ZDHHC20: variants seen among roughly 807,000 people sequenced by gnomAD.
ZDHHC20 encodes the protein zDHHC palmitoyltransferase 20, also known as palmitoyltransferase ZDHHC20.
ZDHHC20 carries 43 observed loss-of-function variants against 57.8 expected under a neutral mutation model. The ratio of observed to expected loss-of-function variants is 0.74; its 90% confidence interval spans 0.58 to 0.96. ZDHHC20 has a LOEUF of 0.96. Ranked by LOEUF, ZDHHC20 falls within the 40% of genes least tolerant of loss-of-function variation. The pLI, the probability that ZDHHC20 is intolerant of heterozygous loss-of-function variation, is 0.00. For synonymous variants in ZDHHC20, 157 were observed against 153.0 expected (o/e 1.03, Z -0.19); for missense variants, 391 against 441.1 (o/e 0.89, Z 1.02).
At chr13:21,443,335 T>A (rs1205214964) in intron 1 of ZDHHC20, among the ~76,000 whole-genome samples, 1 of 152,196 alleles carries the variant, frequency 6.6e-6, no homozygotes, top group Non-Finnish European at 1.5e-5. Flanking sequence ...AGACCTGTTT[T>A]CAGTATTTCC....
chr13:21,421,736 T>A (rs1383439535), intron 2 of ZDHHC20, among the ~76,000 whole-genome samples: 1 of 152,200 alleles, frequency 6.6e-6, no homozygotes, highest in African/African-American at 2.4e-5. Flanking sequence ...AATGTTAACA[T>A]TCCAAAATAT....
At position 21,380,747 on chromosome 13, in the gene ZDHHC20, G is replaced by A. The variant is rs1366701080; in HGVS notation, c.1060+687C>T. On this transcript the variant is annotated intron_variant, in intron 11 of 12. Transcript: ENST00000400590. ...GCGGAGGTTGCAGTAAGCAGAGATCGTGCCACTGCACTCTAGCCTGGTGAC... is the reference window on the plus strand; with the variant it reads ...GCGGAGGTTGCAGTAAGCAGAGATCATGCCACTGCACTCTAGCCTGGTGAC... Among the ~76,000 whole-genome samples, 10 of 150,778 alleles carry A rather than the reference G, an allele frequency of 6.6e-5. No homozygotes were observed. In the East Asian group the frequency reaches 8.3e-4, roughly 12 times the overall value.
rs1178998770 is a variant in ZDHHC20, at chr13:21,458,930, T to TCGGGGCCGGACGCCCGGCGTC, written c.118+103_118+123dup. The TCGGGGCCGGACGCCCGGCGTC allele has an allele frequency of 6.0e-6, 4 of 665,468 alleles. No individual in the cohort carries two copies. In the African/African-American group the frequency reaches 7.7e-5, roughly 13 times the overall value. The allele number at this position is 665,468 out of a possible 1,614,324, so 41.2% of individuals were successfully genotyped here. ...GCAACCTCGGCGCTTCCGAGCGCGT[T>TCGGGGCCGGACGCCCGGCGTC]CGGGGCCGGACGCCCGGCGTCCGGC... On this transcript the variant is annotated intron_variant, in intron 1 of 12. Coordinates refer to ENST00000400590, the MANE Select transcript of ZDHHC20 (RefSeq NM_001330059.2).
At chr13:21,412,200 C>G (rs1423123153) in intron 4 of ZDHHC20, among the ~76,000 whole-genome samples, 1 of 152,228 alleles carries the variant, frequency 6.6e-6, no homozygotes, top group African/African-American at 2.4e-5. Context: ...AAATCTACCC[C>G]TGGGCCTGGC....
At position 21,459,070 on chromosome 13, in the gene ZDHHC20, C is replaced by A. The variant is rs772905215; in HGVS notation, c.102G>T (p.Val34=). Reference sequence around the variant, plus strand: ...GGTACTCACACACGCAGAGCTCCACCACGTACGCGTAGTAGGACCAGACGA... The same window carrying A: ...GGTACTCACACACGCAGAGCTCCACAACGTACGCGTAGTAGGACCAGACGA... ...FVVVWSYYAY[V]VELCVFTIFG... is the part of the protein sequence containing the mutation. Residue 34 remains valine, a synonymous_variant, in exon 1 of 13, where the codon GTG becomes GTT. Transcript: ENST00000400590. 4.4e-6 allele frequency: 7 copies of A among 1,604,290 alleles called. No homozygotes were observed. In the South Asian group the frequency reaches 6.7e-5, roughly 15 times the overall value.
intron 1 of ZDHHC20, among the ~76,000 whole-genome samples, chr13:21,450,323 A>G (rs539752598): frequency 6.6e-6 from 1 of 152,214 alleles, no homozygotes; most frequent in Admixed American, 6.5e-5. Context: ...TGACTAGGGC[A>G]TAAGGTTCTT....
Position 21,452,216 on chromosome 13 carries a change from T to C in ZDHHC20, c.118+6838A>G, listed in dbSNP as rs142799593. On this transcript the variant is annotated intron_variant, in intron 1 of 12. Transcript: ENST00000400590. Reference sequence around the variant, plus strand: ...GCTGGGGGTGGGAAGAAGGATTAACTGTAAATGGGCATGAGGGATCTTAAT... The same window carrying C: ...GCTGGGGGTGGGAAGAAGGATTAACCGTAAATGGGCATGAGGGATCTTAAT... Among the ~76,000 whole-genome samples, 35 of 140,642 alleles carry C rather than the reference T, an allele frequency of 2.5e-4. No homozygotes were observed. In the East Asian group the frequency reaches 6.7e-3, roughly 27 times the overall value. 92.3% of individuals were successfully genotyped at this position (140,642 alleles called of 152,430 possible).
At chr13:21,444,969 T>C (rs939845823) in intron 1 of ZDHHC20, among the ~76,000 whole-genome samples, 6 of 152,056 alleles carry the variant, frequency 3.9e-5, no homozygotes, top group African/African-American at 1.2e-4. Flanking sequence ...GGTGGAAGGA[T>C]TGCTTGAGTC....
At chr13:21,409,746 G>T (rs1014011548) in intron 4 of ZDHHC20, among the ~76,000 whole-genome samples, 2 of 151,970 alleles carry the variant, frequency 1.3e-5, no homozygotes, top group African/African-American at 4.8e-5. Context: ...TCAAGTCAAA[G>T]GTTCTTCTCT....
intron 1 of ZDHHC20, among the ~76,000 whole-genome samples, chr13:21,444,769 T>C (rs1170302738): frequency 6.6e-6 from 1 of 152,096 alleles, no homozygotes; most frequent in Non-Finnish European, 1.5e-5. Context: ...TGTATAAAAA[T>C]ATAGGGCTGG....
chr13:21,380,419 G>A (rs1278108248), intron 11 of ZDHHC20, among the ~76,000 whole-genome samples: 1 of 151,988 alleles, frequency 6.6e-6, no homozygotes, highest in Non-Finnish European at 1.5e-5. Flanking sequence ...TGGCCAGTGT[G>A]CTCTTTTTTA....
intron 2 of ZDHHC20, among the ~76,000 whole-genome samples, chr13:21,423,242 C>A (rs1258809667): frequency 6.6e-6 from 1 of 152,166 alleles, no homozygotes; most frequent in Non-Finnish European, 1.5e-5. Flanking sequence ...CCCTAACTTC[C>A]TTCTATTTTC....
chr13:21,458,004 T>C (rs1022973591), intron 1 of ZDHHC20, among the ~76,000 whole-genome samples: 3 of 152,220 alleles, frequency 2.0e-5, no homozygotes, highest in Admixed American at 1.3e-4. Flanking sequence ...AAAATTGATA[T>C]AGGCAGCAGA....
At chr13:21,426,607 CTT>C (rs778269073) in intron 1 of ZDHHC20, among the ~76,000 whole-genome samples, 30 of 135,282 alleles carry the variant, frequency 2.2e-4, no homozygotes, top group Admixed American at 4.6e-4. Flanking sequence ...TTCTCCTTTT[CTT>C]TTTTTTTTTT....
chr13:21,398,847 T>C (rs1001336076), intron 7 of ZDHHC20, among the ~76,000 whole-genome samples: 2 of 152,214 alleles, frequency 1.3e-5, no homozygotes, highest in Non-Finnish European at 2.9e-5. Flanking sequence ...TCAGCCCATG[T>C]GAGCGCTAGG....
chr13:21,401,452 T>C (rs1472939336), intron 6 of ZDHHC20, among the ~76,000 whole-genome samples: 1 of 152,192 alleles, frequency 6.6e-6, no homozygotes, highest in African/African-American at 2.4e-5. Context: ...TCTTAATACA[T>C]TGTTATTTGG....
At chr13:21,447,201 C>A (rs1294264956) in intron 1 of ZDHHC20, among the ~76,000 whole-genome samples, 1 of 147,678 alleles carries the variant, frequency 6.8e-6, no homozygotes, top group African/African-American at 2.5e-5. Context: ...CGCCGAGGTG[C>A]GGGCTGTGAG....
At chr13:21,428,229 T>C (rs1881505243) in intron 1 of ZDHHC20, among the ~76,000 whole-genome samples, 1 of 152,080 alleles carries the variant, frequency 6.6e-6, no homozygotes. Context: ...TTTTGTTTTG[T>C]TTTGTTTTTG....
chr13:21,450,660 T>G (rs943064366), intron 1 of ZDHHC20, among the ~76,000 whole-genome samples: 1 of 152,120 alleles, frequency 6.6e-6, no homozygotes, highest in African/African-American at 2.4e-5. Context: ...AAACAGGTCT[T>G]CTGGCCACTG....
Sources: gnomAD v4.1 joint callset for allele counts (sites outside exome capture counted in the v4.1 genomes callset) on GRCh38, gnomAD v4.1.1 for gene constraint, MANE v1.5 for transcripts, NCBI Gene and HGNC (gene_info 2026-07-23, HGNC 2026-07-21) for gene names.